NFATC2: variants seen among roughly 807,000 people sequenced by gnomAD.
The protein encoded by NFATC2 is nuclear factor of activated T-cells, cytoplasmic 2.
Under a neutral mutation model 87.3 loss-of-function variants are expected in NFATC2, and 22 were observed. That is an observed-to-expected ratio of 0.25 (90% CI 0.18 to 0.36). NFATC2 has a LOEUF of 0.36. Among genes scored for constraint, NFATC2 ranks in the 10% least tolerant of loss-of-function variants. The pLI, the probability that NFATC2 is intolerant of heterozygous loss-of-function variation, is 1.00. For missense variants in NFATC2, 1,149 were observed against 1,259.1 expected (o/e 0.91, Z 1.32); for synonymous variants, 565 against 542.2 (o/e 1.04, Z -0.58).
At chr20:51,514,020 G>A (rs2076313236) in intron 3 of NFATC2, among the ~76,000 whole-genome samples, 1 of 152,260 alleles carries the variant, frequency 6.6e-6, no homozygotes, top group African/African-American at 2.4e-5. Context: ...GTCCTTGACA[G>A]CTACTTGACC....
At chr20:51,455,949 T>TG (rs1295916312) in intron 5 of NFATC2, among the ~76,000 whole-genome samples, 19 of 40,894 alleles carry the variant, frequency 4.6e-4, no homozygotes, top group South Asian at 2.3e-3. Context: ...GATGGATGGA[T>TG]GAGTGGATGG....
upstream of NFATC2, among the ~76,000 whole-genome samples, chr20:51,546,943 G>A (rs904061481): frequency 1.1e-4 from 17 of 152,272 alleles, no homozygotes; most frequent in African/African-American, 3.1e-4. Flanking sequence ...AGTATGAAAC[G>A]ATGGAGGACC....
At chr20:51,415,203 A>G (rs1202413987) in intron 9 of NFATC2, among the ~76,000 whole-genome samples, 1 of 148,958 alleles carries the variant, frequency 6.7e-6, no homozygotes, top group African/African-American at 2.5e-5. Context: ...CCATGATCCT[A>G]CCATGGCACT....
intron 10 of NFATC2, among the ~76,000 whole-genome samples, chr20:51,392,356 G>T (rs1986457829): frequency 6.6e-6 from 1 of 152,272 alleles, no homozygotes; most frequent in East Asian, 1.9e-4. Context: ...TCCTAGCAGG[G>T]AACCAAGAGC....
chr20:51,498,792 A>T (rs2076031641), intron 3 of NFATC2, among the ~76,000 whole-genome samples: 1 of 152,206 alleles, frequency 6.6e-6, no homozygotes, highest in Non-Finnish European at 1.5e-5. Context: ...ATCTCAAAAC[A>T]AACACCTAAG....
chr20:51,525,641 ATCCATCATCAGCCCTGACTGC>A (rs1568729721), intron 1 of NFATC2, among the ~76,000 whole-genome samples: 1 of 151,116 alleles, frequency 6.6e-6, no homozygotes, highest in Non-Finnish European at 1.5e-5. Context: ...CTCACATCTG[ATCCATCATCAGCCCTGACTGC>A]TCCACTGTCA....
chr20:51,544,914 C>T (rs2076877099), upstream of NFATC2, among the ~76,000 whole-genome samples: 1 of 152,202 alleles, frequency 6.6e-6, no homozygotes, highest in Non-Finnish European at 1.5e-5. Context: ...GGCAGCACCT[C>T]CTGGTTGTCA....
intron 9 of NFATC2, among the ~76,000 whole-genome samples, chr20:51,408,082 G>A (rs1161965197): frequency 6.6e-6 from 1 of 152,204 alleles, no homozygotes; most frequent in African/African-American, 2.4e-5. Flanking sequence ...GGACCACAAG[G>A]CCAAAGCCAG....
intron 9 of NFATC2, among the ~76,000 whole-genome samples, chr20:51,425,414 G>A (rs927426610): frequency 3.3e-5 from 5 of 152,180 alleles, no homozygotes; most frequent in African/African-American, 4.8e-5. Context: ...TACTCAGACC[G>A]GGCTCTCCAG....
At chr20:51,496,593 A>C (rs73128899) in intron 3 of NFATC2, among the ~76,000 whole-genome samples, 7,764 of 152,200 alleles carry the variant, frequency 0.051, 238 homozygotes, top group Middle Eastern at 0.13. Context: ...CACTAACATT[A>C]ATTGGACACA....
chr20:51,484,139 T>C (rs1471384809), intron 3 of NFATC2, among the ~76,000 whole-genome samples: 1 of 151,214 alleles, frequency 6.6e-6, no homozygotes, highest in African/African-American at 2.4e-5. Flanking sequence ...ACTGGCCTTG[T>C]CACCCTCAAG....
Position 51,516,902 on chromosome 20 carries a change from G to A in NFATC2, c.1214C>T (p.Ser405Leu). The change falls in exon 3 of 11, where the codon TCA becomes TTA. Residue 405 changes from serine (S) to leucine (L), a missense_variant. By Grantham distance (145) the Ser-to-Leu change is moderately radical. Transcript: ENST00000371564. ...CTCGATCCGCAGCTCGTAAGAGCCT[G>A]ACTGACTGGACAGCGGCCACTCAAG... ...PPLEWPLSSQ[S>L]GSYELRIEVQ... The A allele has an allele frequency of 6.2e-7, 1 of 1,614,168 alleles. No homozygotes were observed. Among genetic ancestry groups the A allele is most frequent in the Non-Finnish European group, 8.5e-7 (1 of 1,180,022 alleles).
chr20:51,541,826 G>A (rs1007183410), intron 1 of NFATC2, among the ~76,000 whole-genome samples: 4 of 152,148 alleles, frequency 2.6e-5, no homozygotes, highest in South Asian at 2.1e-4. Context: ...TCAACACAAA[G>A]TCCCCGTCAA....
At position 51,523,690 on chromosome 20, in the gene NFATC2, GAGA is replaced by G. The variant is rs780022171; in HGVS notation, c.548_550del (p.Phe183del). ...CGAGACGCAGGGCGAGGTGTAGGGG[GAGA>G]AGGTGTCAGAAATGAAGCTGGCAGA... On this transcript the variant is annotated inframe_deletion, in exon 2 of 11. Transcript: ENST00000371564. This position sits in a 1 kb window ranked among gnomAD's most constrained non-coding sequence, Gnocchi z 6.9. 1 of 1,613,240 alleles carries G rather than the reference GAGA, an allele frequency of 6.2e-7. No individual in the cohort carries two copies. Among genetic ancestry groups the G allele is most frequent in the South Asian group, 1.1e-5 (1 of 91,066 alleles).
intron 3 of NFATC2, among the ~76,000 whole-genome samples, chr20:51,492,562 G>A (rs1406043416): frequency 6.6e-6 from 1 of 152,200 alleles, no homozygotes; most frequent in African/African-American, 2.4e-5. Context: ...TCCCTTTTCC[G>A]GCCGAGGAAC....
chr20:51,503,498 C>T (rs1159769425), intron 3 of NFATC2, among the ~76,000 whole-genome samples: 1 of 152,158 alleles, frequency 6.6e-6, no homozygotes, highest in Non-Finnish European at 1.5e-5. Context: ...CTCAATGTAC[C>T]ACCATTTGCA....
chr20:51,466,749 A>C lies in NFATC2; in HGVS notation c.1708+7231T>G, dbSNP rs191550033. Among the ~76,000 whole-genome samples, 598 of 152,304 alleles carry C rather than the reference A, an allele frequency of 3.9e-3. 4 individuals carry two copies. Among genetic ancestry groups the C allele is most frequent in the Middle Eastern group, 6.8e-3 (2 of 294 alleles). The stretch of plus-strand genomic sequence containing the variant: ...AAAAGAAAATGACAAATTTGGCTTC[A>C]TCAAAATAAAATATGAATGTTCATA... On this transcript the variant is annotated intron_variant, in intron 5 of 10. Transcript: ENST00000371564.
chr20:51,433,171 T>C (rs2146343860), intron 8 of NFATC2, among the ~76,000 whole-genome samples: 1 of 152,292 alleles, frequency 6.6e-6, no homozygotes, highest in Admixed American at 6.5e-5. Flanking sequence ...ATAGATGCTT[T>C]ACATGCTGAT....
rs929294089 is a variant in NFATC2, at chr20:51,526,165, C to T, written c.131-2055G>A. Among the ~76,000 whole-genome samples, 8 of 152,230 alleles carry T rather than the reference C, an allele frequency of 5.3e-5. No homozygotes were observed. The East Asian group carries it at 1.2e-3, about 22-fold the overall frequency. On this transcript the variant is annotated intron_variant, in intron 1 of 10. Coordinates refer to ENST00000371564, the MANE Select transcript of NFATC2 (RefSeq NM_012340.5). ...CCCTGCCATCTTTTCTCCACTGACG[C>T]CTGCTAACAGCTCCCGTCGCACCAG...
Sources: allele counts gnomAD v4.1 joint callset (sites outside exome capture counted in the v4.1 genomes callset), GRCh38; gene constraint gnomAD v4.1.1; non-coding constraint Gnocchi (gnomAD v3.1); transcripts MANE v1.5; gene names NCBI Gene and HGNC (gene_info 2026-07-23, HGNC 2026-07-21).